Variants in ARPC1A observed in about 807,000 individuals in gnomAD.
The protein encoded by ARPC1A is actin-related protein 2/3 complex subunit 1A.
In ARPC1A, 8 loss-of-function variants were observed where a neutral mutation model predicts 46.9. The observed-to-expected ratio is 0.17, with a 90% CI of 0.10 to 0.31. ARPC1A has a LOEUF of 0.31. ARPC1A is among the 10% of genes least tolerant of loss of function. The pLI, the probability that ARPC1A is intolerant of heterozygous loss-of-function variation, is 1.00. For missense variants in ARPC1A, 286 were observed against 483.6 expected (o/e 0.59, Z 3.83); for synonymous variants, 152 against 169.0 (o/e 0.90, Z 0.78).
rs745505979 is a variant in ARPC1A, at chr7:99,358,326, G to A, written c.714-14G>A. ...TCTGTTGCATCTTGGGATAACACAT[G>A]TTCTTGTGTTCAGGGTCTCGACTCT... On this transcript the variant is annotated splice_polypyrimidine_tract_variant and intron_variant, in intron 6 of 9. Coordinates refer to ENST00000262942, the MANE Select transcript of ARPC1A (RefSeq NM_006409.4). The A allele has an allele frequency of 1.2e-6, 2 of 1,613,320 alleles. No individual in the cohort carries two copies. The highest frequency in any genetic ancestry group is 1.1e-5 in the South Asian group (1 of 91,058).
chr7:99,358,992 G>C (rs187995407), intron 7 of ARPC1A, among the ~76,000 whole-genome samples: 8 of 150,888 alleles, frequency 5.3e-5, no homozygotes, highest in African/African-American at 1.9e-4. Flanking sequence ...CCACCTCGCC[G>C]GGCTAATTTT....
At chr7:99,340,595 A>T (rs906529113) in intron 3 of ARPC1A, among the ~76,000 whole-genome samples, 4 of 152,174 alleles carry the variant, frequency 2.6e-5, no homozygotes, top group African/African-American at 9.7e-5. Context: ...GGTGTGCGCC[A>T]GCACACCCGG....
intron 5 of ARPC1A, among the ~76,000 whole-genome samples, chr7:99,349,167 C>T (rs886288954): frequency 6.6e-6 from 1 of 152,140 alleles, no homozygotes; most frequent in South Asian, 2.1e-4. Context: ...CCTCCAGCCT[C>T]AGCCTCCAGA....
At chr7:99,334,622 G>A (rs929159318) in intron 2 of ARPC1A, among the ~76,000 whole-genome samples, 8 of 152,070 alleles carry the variant, frequency 5.3e-5, no homozygotes, top group African/African-American at 1.9e-4. Context: ...CTGTAAGATA[G>A]GGTTCCTTTT....
chr7:99,337,231 G>A (rs1793269650), intron 2 of ARPC1A, among the ~76,000 whole-genome samples: 1 of 152,070 alleles, frequency 6.6e-6, no homozygotes, highest in Non-Finnish European at 1.5e-5. Context: ...AAACCAGCCT[G>A]ACCAACATGG....
intron 3 of ARPC1A, among the ~76,000 whole-genome samples, chr7:99,341,522 T>G (rs531583965): frequency 7.3e-5 from 11 of 151,534 alleles, no homozygotes; most frequent in African/African-American, 1.9e-4. Context: ...GGCAGGAGAA[T>G]TGCTTGAACC....
At chr7:99,342,502 G>A (rs915166314) in intron 3 of ARPC1A, among the ~76,000 whole-genome samples, 3 of 151,566 alleles carry the variant, frequency 2.0e-5, no homozygotes, top group African/African-American at 4.9e-5. Context: ...CTATGATCAC[G>A]CCACTGCACT....
intron 8 of ARPC1A, 174 bp from the exon 9 acceptor site, chr7:99,363,369 C>G (rs1022646786): frequency 1.7e-6 from 1 of 581,414 alleles, no homozygotes; most frequent in Non-Finnish European, 3.0e-6. Context: ...CACTTGAGCC[C>G]AGGAGTTCAA....
At position 99,347,842 on chromosome 7, in the gene ARPC1A, A is replaced by G. The variant is rs561984284; in HGVS notation, c.393-1010A>G. On this transcript the variant is annotated intron_variant, in intron 4 of 9. Transcript: ENST00000262942. Reference sequence around the variant, plus strand: ...GAAACTCCATCTCAAAAAAAAAAAAAAAAGAAAGAAAGTGATTCTATAGAA... The same window carrying G: ...GAAACTCCATCTCAAAAAAAAAAAAGAAAGAAAGAAAGTGATTCTATAGAA... 4.9e-4 allele frequency among the ~76,000 whole-genome samples: 74 copies of G among 152,140 alleles called. 1 individual carries two copies. The highest frequency in any genetic ancestry group is 1.2e-3 in the South Asian group (6 of 4,828).
At chr7:99,364,268 C>T (rs1363351025) in intron 9 of ARPC1A, among the ~76,000 whole-genome samples, 2 of 117,368 alleles carry the variant, frequency 1.7e-5, no homozygotes, top group African/African-American at 3.6e-5. Context: ...AGATCTCTCT[C>T]TTTTTTTTTT....
chr7:99,363,081 A>G (rs1039063854), intron 8 of ARPC1A, among the ~76,000 whole-genome samples: 3 of 152,304 alleles, frequency 2.0e-5, no homozygotes, highest in Non-Finnish European at 2.9e-5. Flanking sequence ...CCTACCCACA[A>G]CCTGCTCCCA....
intron 3 of ARPC1A, among the ~76,000 whole-genome samples, chr7:99,338,925 T>G (rs1793312806): frequency 6.6e-6 from 1 of 152,148 alleles, no homozygotes; most frequent in South Asian, 2.1e-4. Flanking sequence ...CGCCAAACTA[T>G]TTCCAAGTGT....
chr7:99,348,127 G>A (rs764220318), intron 4 of ARPC1A, among the ~76,000 whole-genome samples: 11 of 152,162 alleles, frequency 7.2e-5, no homozygotes, highest in East Asian at 1.9e-4. Flanking sequence ...TTGCAGATTC[G>A]TGGAGACTTG....
intron 5 of ARPC1A, among the ~76,000 whole-genome samples, chr7:99,349,576 C>A (rs1031222672): frequency 3.9e-5 from 6 of 151,902 alleles, no homozygotes; most frequent in Non-Finnish European, 8.8e-5. Context: ...CAGTAGCTCA[C>A]GCCCGTAATC....
chr7:99,365,817 G>A (rs1793829590), intron 9 of ARPC1A, 74 bp from the exon 10 acceptor site: 2 of 1,448,706 alleles, frequency 1.4e-6, no homozygotes, highest in East Asian at 4.9e-5. Flanking sequence ...CCCTGAGGAA[G>A]AGGGAGTGGT....
intron 5 of ARPC1A, among the ~76,000 whole-genome samples, chr7:99,349,761 A>G (rs1793518673): frequency 6.6e-6 from 1 of 152,036 alleles, no homozygotes; most frequent in African/African-American, 2.4e-5. Context: ...AATGGTGTGA[A>G]CTCGGGAGGC....
intron 1 of ARPC1A, among the ~76,000 whole-genome samples, 187 bp downstream of exon 1, chr7:99,326,191 C>T (rs1048699748): frequency 3.9e-5 from 6 of 152,164 alleles, no homozygotes; most frequent in African/African-American, 1.4e-4. Flanking sequence ...GGATCCCCTG[C>T]AGCTTTTCTC....
rs1489936000 is a variant in ARPC1A, at chr7:99,348,927, G to A, written c.468G>A (p.Leu156=). 4 of 1,613,958 alleles carry A rather than the reference G, an allele frequency of 2.5e-6. No homozygotes were observed. The African/African-American group carries it at 5.3e-5, about 22-fold the overall frequency. The change falls in exon 5 of 10, where the codon TTG becomes TTA. Residue 156 remains leucine (L), a synonymous_variant. Coordinates refer to ENST00000262942, the MANE Select transcript of ARPC1A (RefSeq NM_006409.4). ...TGGATTGGCATCCCAACAACGTTTT[G>A]CTGGCAGCAGGATCATGTGACTTCA... ...LSLDWHPNNV[L]LAAGSCDFKC... is the part of the protein sequence containing the mutation.
At chr7:99,349,219 T>G (rs1793510106) in intron 5 of ARPC1A, among the ~76,000 whole-genome samples, 1 of 151,974 alleles carries the variant, frequency 6.6e-6, no homozygotes, top group Non-Finnish European at 1.5e-5. Flanking sequence ...CCTGGCTAAT[T>G]TTTTTAAAAT....
Sources: gnomAD v4.1 joint callset for allele counts (sites outside exome capture counted in the v4.1 genomes callset) on GRCh38, gnomAD v4.1.1 for gene constraint, MANE v1.5 for transcripts, NCBI Gene and HGNC (gene_info 2026-07-23, HGNC 2026-07-21) for gene names.